Variants in NAALADL2 observed in about 807,000 individuals in gnomAD.
NAALADL2 encodes the protein inactive N-acetylated-alpha-linked acidic dipeptidase-like protein 2.
NAALADL2 carries 76 observed loss-of-function variants against 87.2 expected under a neutral mutation model. The observed-to-expected ratio is 0.87, with a 90% CI of 0.72 to 1.05. The LOEUF is 1.05. Among genes scored for constraint, NAALADL2 ranks in the 50% least tolerant of loss-of-function variants. The probability of loss-of-function intolerance (pLI) is 0.00; values close to 1 mark genes in which losing one functional copy is unlikely to be tolerated. For synonymous variants in NAALADL2, 354 were observed against 331.0 expected, an observed-to-expected ratio of 1.07 and a Z score of -0.75; for missense variants, 1,089 against 945.8, an observed-to-expected ratio of 1.15 and a Z score of -1.99.
chr3:175,539,016 T>C (rs76213028), intron 9 of NAALADL2, among the ~76,000 whole-genome samples: 4,855 of 152,242 alleles, frequency 0.032, 147 homozygotes, highest in African/African-American at 0.078. Context: ...AACTAAATAA[T>C]TGTCTTCACT....
At chr3:174,544,718 G>A (rs1237816042) in intron 1 of NAALADL2, among the ~76,000 whole-genome samples, 6 of 151,150 alleles carry the variant, frequency 4.0e-5, no homozygotes, top group East Asian at 1.9e-4. Flanking sequence ...TTACAGGCAC[G>A]CGTCACCACA....
At chr3:175,794,945 C>G (rs564544893) in intron 13 of NAALADL2, among the ~76,000 whole-genome samples, 1 of 152,156 alleles carries the variant, frequency 6.6e-6, no homozygotes, top group Admixed American at 6.5e-5. Flanking sequence ...GGTTCTGGAG[C>G]GGGTACTCTG....
chr3:174,813,350 C>CTGGGCCATGTGTGGCCCA (rs11276617), intron 3 of NAALADL2, among the ~76,000 whole-genome samples: 108,192 of 151,880 alleles, frequency 0.71, 39,061 homozygotes, highest in African/African-American at 0.84. Context: ...TAAAGTGGAC[C>CTGGGCCATGTGTGGCCCA]TGGGCCATGG....
At chr3:175,310,329 T>A (rs1358578933) in intron 4 of NAALADL2, among the ~76,000 whole-genome samples, 1 of 127,972 alleles carries the variant, frequency 7.8e-6, no homozygotes, top group East Asian at 1.9e-4. Context: ...TTAGTCACCA[T>A]TTTTTTTTCT....
chr3:174,929,939 A>G (rs914004134), intron 1 of NAALADL2, among the ~76,000 whole-genome samples: 1 of 152,158 alleles, frequency 6.6e-6, no homozygotes, highest in Non-Finnish European at 1.5e-5. Context: ...AGTAAGGATT[A>G]CCTCTAGCAT....
chr3:175,385,030 C>T (rs1177492231), intron 5 of NAALADL2, among the ~76,000 whole-genome samples: 2 of 152,022 alleles, frequency 1.3e-5, no homozygotes, highest in African/African-American at 4.8e-5. Flanking sequence ...ACCAACTCAA[C>T]ATCTATACAT....
intron 13 of NAALADL2, among the ~76,000 whole-genome samples, chr3:175,764,920 G>A (rs1480711653): frequency 1.3e-5 from 2 of 152,072 alleles, no homozygotes; most frequent in East Asian, 1.9e-4. Context: ...AGGACCTCAT[G>A]TTCCGTGTTT....
At chr3:175,505,939 T>C (rs1730250503) in intron 9 of NAALADL2, among the ~76,000 whole-genome samples, 1 of 152,208 alleles carries the variant, frequency 6.6e-6, no homozygotes, top group Non-Finnish European at 1.5e-5. Context: ...TTCTGGGTTC[T>C]GGTGATTGGT....
intron 11 of NAALADL2, among the ~76,000 whole-genome samples, chr3:175,663,441 T>A (rs1369073786): frequency 6.6e-6 from 1 of 151,856 alleles, no homozygotes; most frequent in Non-Finnish European, 1.5e-5. Context: ...ATTCTCTCTC[T>A]ATTTTTTAGT....
At chr3:174,447,253 C>T (rs1268494647) in intron 1 of NAALADL2, among the ~76,000 whole-genome samples, 1 of 152,074 alleles carries the variant, frequency 6.6e-6, no homozygotes, top group Non-Finnish European at 1.5e-5. Context: ...ACCCTAGTCT[C>T]TAGGGGATTA....
intron 1 of NAALADL2, among the ~76,000 whole-genome samples, chr3:174,887,325 T>A: frequency 6.6e-6 from 1 of 152,330 alleles, no homozygotes; most frequent in East Asian, 1.9e-4. Context: ...CTTGAACATA[T>A]ATAATAATTG....
At chr3:174,918,079 A>G (rs759120610) in intron 1 of NAALADL2, among the ~76,000 whole-genome samples, 7 of 152,150 alleles carry the variant, frequency 4.6e-5, no homozygotes, top group Non-Finnish European at 7.4e-5. Context: ...AATTTTTACT[A>G]TGTAGCATAT....
At chr3:174,630,972 C>T (rs937224961) in intron 2 of NAALADL2, among the ~76,000 whole-genome samples, 2 of 152,046 alleles carry the variant, frequency 1.3e-5, no homozygotes, top group African/African-American at 4.8e-5. Context: ...TTTGCCGTAC[C>T]TTTCACACAC....
rs562056903 is a variant in NAALADL2, at chr3:174,690,217, T to C, written c.-114-47424T>C. ...GTCTAGAAAATGGTGAACAAAACTA[T>C]AAGCAACAATTTTTTGTGATTAAAG... On this transcript the variant is annotated intron_variant, in intron 2 of 3. Coordinates refer to the NAALADL2 transcript ENST00000434257. 2.6e-5 allele frequency among the ~76,000 whole-genome samples: 4 copies of C among 152,320 alleles called. No homozygotes were observed. The East Asian group carries it at 7.7e-4, about 29-fold the overall frequency.
chr3:175,513,548 C>T (rs1731447134), intron 9 of NAALADL2, among the ~76,000 whole-genome samples: 1 of 152,136 alleles, frequency 6.6e-6, no homozygotes, highest in African/African-American at 2.4e-5. Flanking sequence ...AGCGATCCAA[C>T]CTATTTTAGC....
chr3:175,399,133 G>A (rs1054529360), intron 5 of NAALADL2, among the ~76,000 whole-genome samples: 1 of 151,856 alleles, frequency 6.6e-6, no homozygotes, highest in Non-Finnish European at 1.5e-5. Context: ...ATCATGAGGA[G>A]ATGTGCTCTG....
intron 5 of NAALADL2, among the ~76,000 whole-genome samples, chr3:175,371,233 A>G (rs1471867896): frequency 1.3e-5 from 2 of 152,030 alleles, no homozygotes; most frequent in Non-Finnish European, 2.9e-5. Flanking sequence ...TAGAATTATG[A>G]AGAGACTATC....
chr3:174,644,031 A>G (rs1312105270), intron 2 of NAALADL2, among the ~76,000 whole-genome samples: 1 of 152,154 alleles, frequency 6.6e-6, no homozygotes, highest in Non-Finnish European at 1.5e-5. Context: ...ATTTTGTTTT[A>G]TTTTAAACCA....
At chr3:175,662,821 C>T (rs1384560160) in intron 11 of NAALADL2, among the ~76,000 whole-genome samples, 1 of 151,952 alleles carries the variant, frequency 6.6e-6, no homozygotes, top group Non-Finnish European at 1.5e-5. Context: ...GTTGAATCAT[C>T]TGGTGTCCCT....
Sources: allele counts gnomAD v4.1 joint callset (sites outside exome capture counted in the v4.1 genomes callset), GRCh38; gene constraint gnomAD v4.1.1; transcripts MANE v1.5; gene names NCBI Gene and HGNC (gene_info 2026-07-23, HGNC 2026-07-21).